The following SPATA17 variants were observed in gnomAD, a reference collection of about 807,000 sequenced individuals.
SPATA17 encodes spermatogenesis associated 17.
A neutral mutation model predicts 62.2 loss-of-function variants in SPATA17; 53 were observed. The observed-to-expected ratio is 0.85, with a 90% CI of 0.68 to 1.07. The LOEUF (loss-of-function observed/expected upper bound fraction) is 1.07. Among genes scored for constraint, SPATA17 ranks in the 50% least tolerant of loss-of-function variants. The pLI is 0.00. For synonymous variants in SPATA17, 146 were observed against 146.8 expected, an observed-to-expected ratio of 0.99 and a Z score of 0.04; for missense variants, 466 against 425.5, an observed-to-expected ratio of 1.10 and a Z score of -0.84.
chr1:217,687,015 A>G (rs1351726922), intron 5 of SPATA17, among the ~76,000 whole-genome samples: 1 of 152,200 alleles, frequency 6.6e-6, no homozygotes, highest in Non-Finnish European at 1.5e-5. Flanking sequence ...CAACGTGTCC[A>G]GCTGCATGAT....
At chr1:217,661,028 C>T (rs954180608) in intron 3 of SPATA17, among the ~76,000 whole-genome samples, 1 of 151,952 alleles carries the variant, frequency 6.6e-6, no homozygotes, top group Non-Finnish European at 1.5e-5. Flanking sequence ...TCTGGCACAT[C>T]AAAATTAGAA....
intron 3 of SPATA17, among the ~76,000 whole-genome samples, chr1:217,660,686 A>G (rs1558555749): frequency 6.6e-6 from 1 of 152,308 alleles, no homozygotes; most frequent in East Asian, 1.9e-4. Context: ...AGAATGGCAT[A>G]CCTTAGATCC....
intron 5 of SPATA17, among the ~76,000 whole-genome samples, chr1:217,714,357 C>G (rs1325666063): frequency 6.6e-6 from 1 of 151,688 alleles, no homozygotes; most frequent in Non-Finnish European, 1.5e-5. Context: ...CTAGTGCACT[C>G]CAGCCTGGGC....
At chr1:217,674,371 A>T (rs1670898427) in intron 4 of SPATA17, among the ~76,000 whole-genome samples, 1 of 152,002 alleles carries the variant, frequency 6.6e-6, no homozygotes, top group Admixed American at 6.6e-5. Flanking sequence ...GTGATGCAGG[A>T]TTTTTCTTGG....
rs188032892 is a variant in SPATA17 at position 217,675,053 on chromosome 1, C to T, written c.291+5970C>T. On this transcript the variant is annotated intron_variant, in intron 4 of 10. Transcript: ENST00000366933. ...TGGAAGCAGCAGTCTGGTCTTTCAG[C>T]CCTCCAGCTGTTTTTGGCTTGAAGG... Among the ~76,000 whole-genome samples, 42 of 152,302 alleles carry T rather than the reference C, an allele frequency of 2.8e-4. No homozygotes were observed. The East Asian group carries it at 7.0e-3, about 25-fold the overall frequency.
At chr1:217,700,739 G>A (rs1407515148) in intron 5 of SPATA17, among the ~76,000 whole-genome samples, 1 of 149,504 alleles carries the variant, frequency 6.7e-6, no homozygotes, top group Non-Finnish European at 1.5e-5. Context: ...GGCATGCGCC[G>A]CCATGGCTAA....
Position 217,648,981 on chromosome 1 carries a change from T to C in SPATA17, c.158+10T>C, listed in dbSNP as rs766700252. On this transcript the variant is annotated intron_variant, in intron 2 of 10. Transcript: ENST00000366933. ...TTCGGGCATATATCAGGTATATTGC[T>C]TTTGTCATGGAAACCTCAGATATAT... 6.3e-7 allele frequency: 1 copy of C among 1,583,544 alleles called. No individual in the cohort carries two copies. Among genetic ancestry groups the C allele is most frequent in the Non-Finnish European group, 8.6e-7 (1 of 1,163,400 alleles).
chr1:217,710,690 T>G (rs1370030838), intron 5 of SPATA17, among the ~76,000 whole-genome samples: 2 of 152,190 alleles, frequency 1.3e-5, no homozygotes, highest in Non-Finnish European at 2.9e-5. Context: ...TGAGATAAAA[T>G]CCAAATAATA....
chr1:217,864,442 A>T (rs1368894952), intron 10 of SPATA17, among the ~76,000 whole-genome samples: 1 of 152,148 alleles, frequency 6.6e-6, no homozygotes, highest in African/African-American at 2.4e-5. Context: ...AGAAGACGGG[A>T]TTCAAAGTAC....
At chr1:217,846,964 C>T (rs915902094) in intron 9 of SPATA17, among the ~76,000 whole-genome samples, 1 of 151,898 alleles carries the variant, frequency 6.6e-6, no homozygotes, top group Non-Finnish European at 1.5e-5. Flanking sequence ...TATACTTGCT[C>T]TTTATTTTAT....
chr1:217,784,606 T>C (rs531536030), intron 8 of SPATA17, among the ~76,000 whole-genome samples: 2 of 152,174 alleles, frequency 1.3e-5, no homozygotes, highest in Non-Finnish European at 2.9e-5. Context: ...CTTAAAAGGT[T>C]GTAATGAGGA....
intron 6 of SPATA17, among the ~76,000 whole-genome samples, chr1:217,754,731 G>A (rs1231891686): frequency 6.6e-6 from 1 of 151,948 alleles, no homozygotes; most frequent in Non-Finnish European, 1.5e-5. Flanking sequence ...TGAGTATCTG[G>A]CAGCCAGATT....
intron 3 of SPATA17, among the ~76,000 whole-genome samples, chr1:217,655,062 C>A (rs1670411664): frequency 6.6e-6 from 1 of 152,164 alleles, no homozygotes; most frequent in African/African-American, 2.4e-5. Context: ...CTGTACAAAA[C>A]TATTTGCTAA....
chr1:217,661,348 G>A (rs1200946522), intron 3 of SPATA17, among the ~76,000 whole-genome samples: 1 of 151,850 alleles, frequency 6.6e-6, no homozygotes, highest in Non-Finnish European at 1.5e-5. Flanking sequence ...AGCAGAAAGA[G>A]GACTGTGAAA....
At chr1:217,672,738 A>G (rs1439691973) in intron 4 of SPATA17, among the ~76,000 whole-genome samples, 1 of 152,114 alleles carries the variant, frequency 6.6e-6, no homozygotes, top group Non-Finnish European at 1.5e-5. Context: ...TAAAGACTTT[A>G]TGATCCCCCT....
chr1:217,809,788 C>T (rs984298971), intron 9 of SPATA17, among the ~76,000 whole-genome samples: 1 of 152,176 alleles, frequency 6.6e-6, no homozygotes, highest in Non-Finnish European at 1.5e-5. Context: ...AAACTCAAGC[C>T]ATAACAATGT....
chr1:217,678,681 A>G (rs973524716), intron 4 of SPATA17, among the ~76,000 whole-genome samples: 1 of 152,204 alleles, frequency 6.6e-6, no homozygotes, highest in Non-Finnish European at 1.5e-5. Flanking sequence ...TAAAATAAAC[A>G]TTATTTATAA....
At position 217,768,384 on chromosome 1, in the gene SPATA17, C is replaced by G. The variant is rs932973209; in HGVS notation, c.520-5950C>G. ...ATAACCTCATGCTTAAACTGGCCAA[C>G]TTCATGTTTCTTTAACAGAGGCATA... On this transcript the variant is annotated intron_variant, in intron 6 of 10. Coordinates refer to ENST00000366933, the MANE Select transcript of SPATA17 (RefSeq NM_138796.4). Among the ~76,000 whole-genome samples the G allele has an allele frequency of 8.5e-5, 13 of 152,238 alleles. No individual in the cohort carries two copies. The South Asian group carries it at 2.5e-3, about 29-fold the overall frequency.
intron 9 of SPATA17, among the ~76,000 whole-genome samples, chr1:217,859,264 T>C (rs1464271776): frequency 1.4e-5 from 2 of 147,426 alleles, no homozygotes; most frequent in East Asian, 1.9e-4. Context: ...AAATAATATA[T>C]GTAAAAGTTA....
Sources: gnomAD v4.1 joint callset for allele counts (sites outside exome capture counted in the v4.1 genomes callset) on GRCh38, gnomAD v4.1.1 for gene constraint, MANE v1.5 for transcripts, NCBI Gene and HGNC (gene_info 2026-07-23, HGNC 2026-07-21) for gene names.